CD160: variants seen among roughly 807,000 people sequenced by gnomAD.
CD160 encodes CD160 antigen.
A neutral mutation model predicts 19.2 loss-of-function variants in CD160; 11 were observed. The observed-to-expected ratio is 0.57, with a 90% confidence interval of 0.36 to 0.95. The LOEUF (loss-of-function observed/expected upper bound fraction) is 0.95, where lower values mean the gene tolerates loss of function less well. CD160 is among the 40% of genes least tolerant of loss of function. The probability of loss-of-function intolerance (pLI) is 0.01; values close to 1 mark genes in which losing one functional copy is unlikely to be tolerated. For synonymous variants in CD160, 75 were observed against 81.1 expected (o/e 0.93, Z 0.40); for missense variants, 182 against 213.2 (o/e 0.85, Z 0.91).
At chr1:145,738,180 C>T (rs989631871) in intron 5 of CD160, 9 of 218,634 alleles carry the variant, frequency 4.1e-5, no homozygotes, top group Admixed American at 2.3e-4. Context: ...CAGAGCTATA[C>T]GTGGAAAACC....
chr1:145,722,654 C>T (rs782588081), intron 1 of CD160, among the ~76,000 whole-genome samples: 4 of 152,180 alleles, frequency 2.6e-5, no homozygotes, highest in South Asian at 4.1e-4. Context: ...TGCAGTAGCG[C>T]GATCTCAGCT....
At chr1:145,723,566 T>G (rs1480377612) in intron 1 of CD160, among the ~76,000 whole-genome samples, 1 of 152,188 alleles carries the variant, frequency 6.6e-6, no homozygotes, top group Non-Finnish European at 1.5e-5. Flanking sequence ...CACCAGTGGG[T>G]CTTCACCTGT....
intron 5 of CD160, chr1:145,737,785 TTTTTCC>T (rs1657554355): frequency 6.6e-6 from 1 of 151,786 alleles, no homozygotes; most frequent in African/African-American, 2.4e-5. Flanking sequence ...CTCTGGCCTT[TTTTTCC>T]TTTTCCACTC....
intron 5 of CD160, 56 bp downstream of exon 5, chr1:145,736,190 G>A (rs1657483929): frequency 1.2e-6 from 2 of 1,612,216 alleles, no homozygotes; most frequent in African/African-American, 1.3e-5. Context: ...TTATATTTCT[G>A]CCACCTTGGT....
chr1:145,735,616 A>C (rs983272200), intron 4 of CD160, among the ~76,000 whole-genome samples: 1 of 151,690 alleles, frequency 6.6e-6, no homozygotes, highest in Non-Finnish European at 1.5e-5. Context: ...ACAAACAAAC[A>C]AAAAAAACCC....
intron 4 of CD160, among the ~76,000 whole-genome samples, chr1:145,733,040 C>CT (rs1450384465): frequency 6.6e-6 from 1 of 152,074 alleles, no homozygotes; most frequent in Non-Finnish European, 1.5e-5. Flanking sequence ...GACAATAAGC[C>CT]TAGGAGGACA....
rs1416500572 is a variant in CD160, at chr1:145,728,240, C to A, written c.-72-16C>A. The A allele has an allele frequency of 2.2e-6, 2 of 902,432 alleles. No individual in the cohort carries two copies. The highest frequency in any genetic ancestry group is 1.8e-5 in the Admixed American group (1 of 55,074). The allele number at this position is 902,432 out of a possible 1,614,324, so 55.9% of individuals were successfully genotyped here. A position where few individuals can be genotyped will look rare whatever the true frequency, so the allele number is the denominator to read the frequency against. On this transcript the variant is annotated splice_polypyrimidine_tract_variant and intron_variant, in intron 2 of 5. Coordinates refer to ENST00000369288, the MANE Select transcript of CD160 (RefSeq NM_007053.4). ...CCCTGGAAGGCTTTGTCTAGTGGGT[C>A]CCCCTGTGCTTTTAGGAGACTGAAG...
chr1:145,736,829 T>C (rs1318251430), intron 5 of CD160: 1 of 152,538 alleles, frequency 6.6e-6, no homozygotes, highest in Non-Finnish European at 1.5e-5. Context: ...CAACGAAAAG[T>C]CCCACACATA....
chr1:145,722,815 C>A (rs587732584), intron 1 of CD160, among the ~76,000 whole-genome samples: 106 of 152,144 alleles, frequency 7.0e-4, no homozygotes, highest in Non-Finnish European at 1.1e-3. Flanking sequence ...AGGATGGTCT[C>A]GATCTCCTGA....
At chr1:145,726,086 CAG>C (rs1276856310) in intron 2 of CD160, among the ~76,000 whole-genome samples, 2 of 152,084 alleles carry the variant, frequency 1.3e-5, no homozygotes, top group Non-Finnish European at 2.9e-5. Flanking sequence ...GTGGAAACAA[CAG>C]ATGCTGGAGA....
chr1:145,729,151 T>C lies in CD160; in HGVS notation c.73+751T>C, dbSNP rs1657180944. Reference sequence around the variant, plus strand: ...GAAAGTAGAAATAAAATATAAACCATTTTGGAGTGAATCAATGGCTGGGAT... The same window carrying C: ...GAAAGTAGAAATAAAATATAAACCACTTTGGAGTGAATCAATGGCTGGGAT... On this transcript the variant is annotated intron_variant, in intron 3 of 5. Transcript: ENST00000369288. Among the ~76,000 whole-genome samples, 3 of 152,134 alleles carry C rather than the reference T, an allele frequency of 2.0e-5. No individual in the cohort carries two copies. The South Asian group carries it at 6.2e-4, about 32-fold the overall frequency.
At chr1:145,728,499 CTCTTTT>C in intron 3 of CD160, 99 bp downstream of exon 3, 1 of 447,526 alleles carries the variant, frequency 2.2e-6, no homozygotes, top group Non-Finnish European at 3.7e-6. Flanking sequence ...AAACAAAGGA[CTCTTTT>C]TTTTTTTTTT....
chr1:145,738,897 T>G lies in CD160; in HGVS notation c.*404T>G, dbSNP rs192111828. 1 of 155,370 alleles carries G rather than the reference T, an allele frequency of 6.4e-6. No individual in the cohort carries two copies. Among genetic ancestry groups the G allele is most frequent in the South Asian group, 2.1e-4 (1 of 4,856 alleles). 9.6% of individuals were successfully genotyped at this position (155,370 alleles called of 1,614,324 possible). A position where few individuals can be genotyped will look rare whatever the true frequency, so the allele number is the denominator to read the frequency against. ...GGGGGAATAAATTTTTATTTAACAC[T>G]GCAAAGGAAAGAGAGAGAAAACAAG... On this transcript the variant is annotated 3_prime_UTR_variant, in exon 6 of 6. Coordinates refer to ENST00000369288, the MANE Select transcript of CD160 (RefSeq NM_007053.4).
chr1:145,730,411 T>C (rs1680649), intron 3 of CD160, among the ~76,000 whole-genome samples: 83,846 of 152,114 alleles, frequency 0.55, 24,554 homozygotes, highest in African/African-American at 0.74. Flanking sequence ...CTAGTCCTCA[T>C]AGCCCCAGCA....
Position 145,728,395 on chromosome 1 carries a change from C to T in CD160, c.68C>T (p.Ser23Phe). 1 of 1,609,434 alleles carries T rather than the reference C, an allele frequency of 6.2e-7. No homozygotes were observed. Among genetic ancestry groups the T allele is most frequent in the Non-Finnish European group, 8.5e-7 (1 of 1,176,310 alleles). Residue 23 changes from serine (S) to phenylalanine (F), a missense_variant, in exon 3 of 6, where the codon TCT (serine) becomes TTT (phenylalanine). Transcript: ENST00000369288. ...CTGCTGGCAATTGTGGACATCCAGTCTGGTGGTGAGGATAGACCCTAGAGC... is the reference window on the plus strand; with the variant it reads ...CTGCTGGCAATTGTGGACATCCAGTTTGGTGGTGAGGATAGACCCTAGAGC... ...AILLAIVDIQ[S>F]GGCINITSSA...
intron 5 of CD160, chr1:145,736,388 G>C (rs1050803057): frequency 1.0e-6 from 1 of 978,922 alleles, no homozygotes. Flanking sequence ...GCCTGTGAGA[G>C]AGGCAAGTTA....
chr1:145,728,072 C>A (rs1477856781), intron 2 of CD160, among the ~76,000 whole-genome samples, 184 bp from the exon 3 acceptor site: 1 of 152,184 alleles, frequency 6.6e-6, no homozygotes, highest in Non-Finnish European at 1.5e-5. Context: ...CTATGCCCCT[C>A]CCTCCCCGGC....
At chr1:145,722,578 TA>T (rs1656895259) in intron 1 of CD160, among the ~76,000 whole-genome samples, 1 of 152,058 alleles carries the variant, frequency 6.6e-6, no homozygotes, top group Non-Finnish European at 1.5e-5. Flanking sequence ...ATGCAACTAT[TA>T]AGTTTTTTTT....
intron 4 of CD160, among the ~76,000 whole-genome samples, chr1:145,731,271 C>G (rs1301818099): frequency 6.6e-6 from 1 of 152,190 alleles, no homozygotes; most frequent in Non-Finnish European, 1.5e-5. Context: ...TTTTAGAACT[C>G]TTACTTGGGG....
Sources: gnomAD v4.1 joint callset for allele counts (sites outside exome capture counted in the v4.1 genomes callset) on GRCh38, gnomAD v4.1.1 for gene constraint, MANE v1.5 for transcripts, NCBI Gene and HGNC (gene_info 2026-07-23, HGNC 2026-07-21) for gene names.